The following GRIK2 variants were observed in gnomAD, a reference collection of about 807,000 sequenced individuals.
GRIK2 encodes glutamate ionotropic receptor kainate type subunit 2, also known as glutamate receptor ionotropic, kainate 2.
GRIK2 carries 32 observed loss-of-function variants against 100.3 expected under a neutral mutation model. The observed-to-expected ratio is 0.32, with a 90% CI of 0.24 to 0.43. GRIK2 has a LOEUF of 0.43. Among genes scored for constraint, GRIK2 ranks in the 20% least tolerant of loss-of-function variants. GRIK2 has a pLI of 1.00. For synonymous variants in GRIK2, 417 were observed against 389.4 expected, an observed-to-expected ratio of 1.07 and a Z score of -0.83; for missense variants, 843 against 1,114.9, an observed-to-expected ratio of 0.76 and a Z score of 3.47.
intron 1 of GRIK2, among the ~76,000 whole-genome samples, chr6:101,397,638 C>T (rs569281896): frequency 6.6e-6 from 1 of 151,560 alleles, no homozygotes; most frequent in African/African-American, 2.4e-5. Context: ...ATTAAAAAAT[C>T]GCTGTAAGGA....
At chr6:101,493,164 T>G (rs1168154731) in intron 2 of GRIK2, among the ~76,000 whole-genome samples, 1 of 151,900 alleles carries the variant, frequency 6.6e-6, no homozygotes. Flanking sequence ...AATATACAAT[T>G]AATCAAGTTG....
chr6:102,001,699 G>A lies in GRIK2; in HGVS notation c.2086-33642G>A, dbSNP rs375123986. On this transcript the variant is annotated intron_variant, in intron 14 of 16. Transcript: ENST00000369134. Reference sequence around the variant, plus strand: ...TTTGAATCTTTTCTTATCTTTTCCAGTCTGGTCGTGTAGTGCTACTGCTTC... The same window carrying A: ...TTTGAATCTTTTCTTATCTTTTCCAATCTGGTCGTGTAGTGCTACTGCTTC... 8.5e-5 allele frequency among the ~76,000 whole-genome samples: 13 copies of A among 152,098 alleles called. 1 individual carries two copies. The highest frequency in any genetic ancestry group is 2.4e-4 in the African/African-American group (10 of 41,532).
intron 2 of GRIK2, among the ~76,000 whole-genome samples, chr6:101,487,177 TTAATCA>T (rs1304234810): frequency 6.8e-6 from 1 of 146,794 alleles, no homozygotes; most frequent in Non-Finnish European, 1.5e-5. Flanking sequence ...CTTTAGTATA[TTAATCA>T]TAATCATGTA....
chr6:101,458,430 C>T (rs1771122748), intron 2 of GRIK2, among the ~76,000 whole-genome samples: 1 of 152,140 alleles, frequency 6.6e-6, no homozygotes, highest in South Asian at 2.1e-4. Flanking sequence ...TAATCAGATT[C>T]CCATGGCCTG....
chr6:101,510,943 G>A lies in GRIK2; in HGVS notation c.116-111006G>A, dbSNP rs112510030. The stretch of plus-strand genomic sequence containing the variant: ...ATATATAAAAAAGAACAAAATGATC[G>A]GCCAAAAGATGAGATGTTATGCTTT... On this transcript the variant is annotated intron_variant, in intron 2 of 16. Coordinates refer to ENST00000369134, the MANE Select transcript of GRIK2 (RefSeq NM_021956.5). 1.1e-3 allele frequency among the ~76,000 whole-genome samples: 166 copies of A among 152,114 alleles called. 2 individuals are homozygous for A. Among genetic ancestry groups the A allele is most frequent in the Middle Eastern group, 3.4e-3 (1 of 294 alleles).
intron 7 of GRIK2, among the ~76,000 whole-genome samples, chr6:101,742,548 A>G (rs1428795472): frequency 1.3e-5 from 2 of 152,196 alleles, no homozygotes; most frequent in Non-Finnish European, 1.5e-5. Flanking sequence ...TTAAGGAGGC[A>G]TGAGACATTA....
At chr6:101,593,716 C>T (rs1476797470) in intron 2 of GRIK2, among the ~76,000 whole-genome samples, 2 of 151,926 alleles carry the variant, frequency 1.3e-5, no homozygotes, top group East Asian at 3.9e-4. Flanking sequence ...AAGATGACTC[C>T]AAGTAATATT....
intron 2 of GRIK2, chr6:101,620,380 C>T (rs972107719): frequency 3.3e-5 from 5 of 153,808 alleles, no homozygotes; most frequent in Non-Finnish European, 7.2e-5. Context: ...TTAGTAAGTA[C>T]ACCCTTAAAT....
intron 14 of GRIK2, among the ~76,000 whole-genome samples, chr6:101,930,170 T>C (rs1790168734): frequency 6.6e-6 from 1 of 151,912 alleles, no homozygotes; most frequent in African/African-American, 2.4e-5. Context: ...GGCAAAATTC[T>C]GTCTCTACAA....
chr6:101,811,767 T>C (rs1562406535), intron 9 of GRIK2, among the ~76,000 whole-genome samples: 1 of 149,996 alleles, frequency 6.7e-6, no homozygotes, highest in Non-Finnish European at 1.5e-5. Context: ...AATAGAAACA[T>C]TTTTTGGATT....
chr6:101,743,273 AAGTT>A (rs1776164322), intron 7 of GRIK2, among the ~76,000 whole-genome samples: 2 of 152,202 alleles, frequency 1.3e-5, no homozygotes, highest in Non-Finnish European at 2.9e-5. Context: ...TGTTATAAGA[AAGTT>A]AGGAAAAGTT....
chr6:101,717,608 G>A (rs1179762464), intron 7 of GRIK2, among the ~76,000 whole-genome samples: 2 of 151,780 alleles, frequency 1.3e-5, no homozygotes, highest in Non-Finnish European at 2.9e-5. Flanking sequence ...GGCAAGACAT[G>A]TATGTACTAG....
intron 12 of GRIK2, among the ~76,000 whole-genome samples, chr6:101,893,644 T>C (rs1375946077): frequency 6.6e-6 from 1 of 151,804 alleles, no homozygotes. Flanking sequence ...AATTATTCTA[T>C]CAACTGCTCA....
chr6:101,562,246 A>G (rs981141545), intron 2 of GRIK2, among the ~76,000 whole-genome samples: 1 of 151,910 alleles, frequency 6.6e-6, no homozygotes. Context: ...GGGAGCTTTT[A>G]TCCTGATTTT....
chr6:101,682,625 CA>C lies in GRIK2; in HGVS notation c.777+23del. 1 of 1,013,642 alleles carries C rather than the reference CA, an allele frequency of 9.9e-7. No individual in the cohort carries two copies. Among genetic ancestry groups the C allele is most frequent in the Middle Eastern group, 2.2e-4 (1 of 4,548 alleles). 62.8% of individuals were successfully genotyped at this position (1,013,642 alleles called of 1,614,324 possible). ...CACTCTGGTAAGTACTTCATTAAAA[CA>C]AAATGTTCTGAATTTTATTATTATG... On this transcript the variant is annotated intron_variant, in intron 6 of 16. Transcript: ENST00000369134.
intron 7 of GRIK2, among the ~76,000 whole-genome samples, chr6:101,767,537 A>G (rs1208707489): frequency 6.6e-6 from 1 of 152,210 alleles, no homozygotes; most frequent in Non-Finnish European, 1.5e-5. Flanking sequence ...TGTTAAAATA[A>G]TGAGGTATAT....
chr6:101,667,851 C>T (rs575289658), intron 4 of GRIK2, among the ~76,000 whole-genome samples: 9 of 152,176 alleles, frequency 5.9e-5, no homozygotes, highest in South Asian at 2.1e-4. Context: ...GGTCAGATCC[C>T]GTATTGAAAC....
At chr6:101,944,064 A>G (rs1245755130) in intron 14 of GRIK2, among the ~76,000 whole-genome samples, 1 of 152,022 alleles carries the variant, frequency 6.6e-6, no homozygotes, top group African/African-American at 2.4e-5. Flanking sequence ...CGTCCTCCCA[A>G]TGCTGTCTCA....
At chr6:101,694,456 ATAT>A (rs2128348782) in intron 7 of GRIK2, among the ~76,000 whole-genome samples, 1 of 152,264 alleles carries the variant, frequency 6.6e-6, no homozygotes, top group Admixed American at 6.5e-5. Flanking sequence ...ATAATTATAA[ATAT>A]TCTACATTTA....
Sources: allele counts gnomAD v4.1 joint callset (sites outside exome capture counted in the v4.1 genomes callset), GRCh38; gene constraint gnomAD v4.1.1; transcripts MANE v1.5; gene names NCBI Gene and HGNC (gene_info 2026-07-23, HGNC 2026-07-21).